The following STAG1 variants were observed in gnomAD, a reference collection of about 807,000 sequenced individuals.
STAG1 encodes STAG1 cohesin complex component.
Under a neutral mutation model 170.9 loss-of-function variants are expected in STAG1, and 26 were observed. That is an observed-to-expected ratio of 0.15 (90% CI 0.11 to 0.21). The LOEUF (loss-of-function observed/expected upper bound fraction) is 0.21. STAG1 is among the 10% of genes least tolerant of loss of function. STAG1 has a pLI of 1.00. For synonymous variants in STAG1, 514 were observed against 497.7 expected, an observed-to-expected ratio of 1.03 and a Z score of -0.44; for missense variants, 964 against 1,509.5, an observed-to-expected ratio of 0.64 and a Z score of 5.99.
chr3:136,426,269 G>A (rs1053070203), intron 16 of STAG1, among the ~76,000 whole-genome samples: 3 of 152,042 alleles, frequency 2.0e-5, no homozygotes, highest in Non-Finnish European at 2.9e-5. Flanking sequence ...AATTAGCTGC[G>A]TGAGGTGGCA....
intron 1 of STAG1, among the ~76,000 whole-genome samples, chr3:136,679,132 C>A (rs547108949): frequency 6.6e-6 from 1 of 152,202 alleles, no homozygotes; most frequent in African/African-American, 2.4e-5. Flanking sequence ...AAAGTTACAG[C>A]CCTACTGCTG....
intron 5 of STAG1, among the ~76,000 whole-genome samples, chr3:136,560,721 G>C (rs1348725939): frequency 1.3e-5 from 2 of 152,176 alleles, no homozygotes; most frequent in African/African-American, 4.8e-5. Context: ...AAACAACTAT[G>C]GGTGCTAATG....
chr3:136,447,767 G>A (rs950215963), intron 14 of STAG1, among the ~76,000 whole-genome samples: 2 of 151,728 alleles, frequency 1.3e-5, no homozygotes, highest in Non-Finnish European at 2.9e-5. Flanking sequence ...ACAGGTGCCC[G>A]CCACCAGGCC....
At chr3:136,552,161 C>T (rs1252866029) in intron 5 of STAG1, among the ~76,000 whole-genome samples, 2 of 152,124 alleles carry the variant, frequency 1.3e-5, no homozygotes, top group African/African-American at 4.8e-5. Flanking sequence ...TTGAAATCTT[C>T]AAGTAGGCCC....
intron 7 of STAG1, among the ~76,000 whole-genome samples, chr3:136,516,887 G>C (rs751504992): frequency 6.6e-6 from 1 of 152,160 alleles, no homozygotes; most frequent in African/African-American, 2.4e-5. Context: ...AGACGAATAT[G>C]AATTCAGACA....
At chr3:136,525,327 G>A (rs542476024) in intron 6 of STAG1, among the ~76,000 whole-genome samples, 2 of 152,098 alleles carry the variant, frequency 1.3e-5, no homozygotes, top group East Asian at 1.9e-4. Context: ...GTCTTGGGAG[G>A]GTGTATGTGT....
chr3:136,705,313 TC>T (rs1281979645), intron 1 of STAG1, among the ~76,000 whole-genome samples: 6 of 151,742 alleles, frequency 4.0e-5, no homozygotes, highest in African/African-American at 1.5e-4. Flanking sequence ...GGATGGTTTA[TC>T]ATAAGAAAAT....
intron 13 of STAG1, among the ~76,000 whole-genome samples, chr3:136,457,640 T>C (rs1293506729): frequency 1.3e-5 from 2 of 152,146 alleles, no homozygotes; most frequent in Non-Finnish European, 2.9e-5. Context: ...CGGCCTGCTG[T>C]TGGGTCTGAT....
chr3:136,590,456 G>A (rs1157228584), intron 4 of STAG1, among the ~76,000 whole-genome samples: 3 of 150,958 alleles, frequency 2.0e-5, no homozygotes, highest in African/African-American at 7.3e-5. Context: ...TCGCGCCACT[G>A]CACTCCAGCC....
intron 1 of STAG1, among the ~76,000 whole-genome samples, chr3:136,695,891 C>A (rs867657845): frequency 1.3e-5 from 2 of 152,152 alleles, no homozygotes; most frequent in Admixed American, 1.3e-4. Flanking sequence ...GGCCACTAAA[C>A]CCCTCCAGGT....
chr3:136,536,252 T>C (rs1025241286), intron 6 of STAG1, among the ~76,000 whole-genome samples: 3 of 152,098 alleles, frequency 2.0e-5, no homozygotes, highest in Non-Finnish European at 2.9e-5. Flanking sequence ...AACAGGCCCA[T>C]TAAAAAACTA....
intron 6 of STAG1, among the ~76,000 whole-genome samples, chr3:136,537,494 ATTTTTTTTTTGTTTT>A (rs1935691010): frequency 7.6e-6 from 1 of 131,586 alleles, no homozygotes; most frequent in South Asian, 2.4e-4. Flanking sequence ...TTTTTTGTTT[ATTTTTTTTTTGTTTT>A]TTTTTTTTTG....
intron 1 of STAG1, among the ~76,000 whole-genome samples, chr3:136,729,234 G>T (rs1251375430): frequency 6.6e-6 from 1 of 151,996 alleles, no homozygotes. Flanking sequence ...TCAAACTCCT[G>T]AGGTCAAGTG....
intron 1 of STAG1, among the ~76,000 whole-genome samples, chr3:136,727,257 A>G (rs1409543983): frequency 6.6e-6 from 1 of 152,190 alleles, no homozygotes; most frequent in Non-Finnish European, 1.5e-5. Flanking sequence ...AGCTGGCAGC[A>G]GTGATAATCC....
chr3:136,733,964 G>T (rs746994182), intron 1 of STAG1, among the ~76,000 whole-genome samples: 1 of 151,928 alleles, frequency 6.6e-6, no homozygotes, highest in East Asian at 1.9e-4. Context: ...AAAATTAGCC[G>T]GGTGTGGTGG....
intron 13 of STAG1, among the ~76,000 whole-genome samples, chr3:136,454,888 T>C (rs1443350235): frequency 6.6e-6 from 1 of 152,222 alleles, no homozygotes; most frequent in Non-Finnish European, 1.5e-5. Flanking sequence ...TGTGTACATT[T>C]ATGTATCTTT....
chr3:136,344,890 A>G (rs1389329756), intron 29 of STAG1, among the ~76,000 whole-genome samples: 1 of 152,104 alleles, frequency 6.6e-6, no homozygotes, highest in Non-Finnish European at 1.5e-5. Context: ...CTGAGATTAT[A>G]GGCATGAGCC....
intron 2 of STAG1, among the ~76,000 whole-genome samples, chr3:136,627,249 G>C (rs368874669): frequency 2.0e-5 from 3 of 152,120 alleles, no homozygotes; most frequent in Non-Finnish European, 4.4e-5. Flanking sequence ...ACAAATTCTA[G>C]GCTTTTGAAA....
chr3:136,430,763 A>G, intron 16 of STAG1, among the ~76,000 whole-genome samples: 1 of 149,226 alleles, frequency 6.7e-6, no homozygotes, highest in African/African-American at 2.5e-5. Context: ...AAATAATTTC[A>G]TGTTCTTTCA....
Sources: gnomAD v4.1 joint callset for allele counts (sites outside exome capture counted in the v4.1 genomes callset) on GRCh38, gnomAD v4.1.1 for gene constraint, MANE v1.5 for transcripts, NCBI Gene and HGNC (gene_info 2026-07-23, HGNC 2026-07-21) for gene names.